The following POLA1 variants were observed in gnomAD, a reference collection of about 807,000 sequenced individuals.
POLA1 encodes the protein DNA polymerase alpha 1, catalytic subunit.
Under a neutral mutation model 124.0 loss-of-function variants are expected in POLA1, and 15 were observed. The observed-to-expected ratio is 0.12, with a 90% confidence interval of 0.08 to 0.19. POLA1 has a LOEUF of 0.19. Among genes scored for constraint, POLA1 ranks in the 10% least tolerant of loss-of-function variants. The pLI, the probability that POLA1 is intolerant of heterozygous loss-of-function variation, is 1.00. For missense variants in POLA1, 886 were observed against 1,103.4 expected, an observed-to-expected ratio of 0.80 and a Z score of 2.79; for synonymous variants, 408 against 389.4, an observed-to-expected ratio of 1.05 and a Z score of -0.56.
chrX:24,798,366 C>T (rs929567821), intron 26 of POLA1, among the ~76,000 whole-genome samples: 1 of 110,866 alleles, frequency 9.0e-6, no homozygotes, highest in Non-Finnish European at 1.9e-5. Context: ...GTTCTTCCAC[C>T]TCTGCCACCC....
chrX:24,837,120 G>C (rs1291038442), intron 32 of POLA1, among the ~76,000 whole-genome samples: 3 of 111,422 alleles, frequency 2.7e-5, no homozygotes, highest in Non-Finnish European at 5.7e-5. Context: ...TATTTGGCAT[G>C]CTTTTTAAGA....
Position 24,732,236 on chromosome X carries a change from T to C in POLA1, c.1687-134T>C, listed in dbSNP as rs761124263. On this transcript the variant is annotated intron_variant, in intron 15 of 36. Coordinates refer to ENST00000379068, the MANE Select transcript of POLA1 (RefSeq NM_001330360.2). ...TCTCAGAGTGCTGGAATTACAGGCA[T>C]GAGCCACCACGCCTGGCCAAACTTT... 7.5e-4 allele frequency: 340 copies of C among 454,421 alleles called. No homozygotes were observed. The African/African-American group carries it at 7.6e-3, about 10-fold the overall frequency. 37.4% of individuals were successfully genotyped at this position (454,421 alleles called of 1,213,427 possible). A position where few individuals can be genotyped will look rare whatever the true frequency, so the allele number is the denominator to read the frequency against.
At chrX:24,853,352 A>G (rs578164681) in intron 34 of POLA1, among the ~76,000 whole-genome samples, 167 of 112,005 alleles carry the variant, frequency 1.5e-3, no homozygotes, top group Middle Eastern at 9.2e-3. Context: ...AAGGTTATTT[A>G]CAATGTGGAA....
intron 34 of POLA1, among the ~76,000 whole-genome samples, chrX:24,869,544 G>T (rs746440738): frequency 4.4e-5 from 5 of 112,360 alleles, no homozygotes; most frequent in African/African-American, 1.6e-4. Context: ...AGGCAGCCTA[G>T]CCTGAGGGAG....
intron 35 of POLA1, among the ~76,000 whole-genome samples, chrX:24,899,650 A>G (rs1321452339): frequency 1.8e-5 from 2 of 112,057 alleles, no homozygotes; most frequent in African/African-American, 6.5e-5. Context: ...TTTAATAGCA[A>G]AAGCAAATGC....
chrX:24,901,975 G>A (rs950014393), intron 35 of POLA1, among the ~76,000 whole-genome samples: 1 of 110,756 alleles, frequency 9.0e-6, no homozygotes, highest in Admixed American at 9.6e-5. Context: ...TACAGAACCA[G>A]AGAAACCCCT....
intron 34 of POLA1, among the ~76,000 whole-genome samples, chrX:24,848,093 C>G (rs1351399096): frequency 8.9e-6 from 1 of 112,000 alleles, no homozygotes; most frequent in South Asian, 3.7e-4. Flanking sequence ...CACAATAGCA[C>G]CTAGCCTAAA....
intron 35 of POLA1, among the ~76,000 whole-genome samples, chrX:24,891,985 C>G (rs756179315): frequency 1.5e-4 from 17 of 111,082 alleles, no homozygotes; most frequent in Non-Finnish European, 2.6e-4. Context: ...CTCACTTAGT[C>G]CTGGGTTGCA....
At position 24,908,882 on chromosome X, in the gene POLA1, C is replaced by G. The variant is rs373495579; in HGVS notation, c.4164+20760C>G. 8.1e-4 allele frequency among the ~76,000 whole-genome samples: 91 copies of G among 111,792 alleles called. 1 individual carries two copies. The East Asian group carries it at 0.021, about 25-fold the overall frequency. ...TAAAAGTGTTCCTATTTCTCCACAT[C>G]CTCTCCAGCACCTGTTGTTTCCTGA... is the stretch of plus-strand genomic sequence containing the variant. On this transcript the variant is annotated intron_variant, in intron 35 of 36. Transcript: ENST00000379068.
At chrX:24,835,280 G>A (rs1265898871) in intron 32 of POLA1, among the ~76,000 whole-genome samples, 1 of 110,413 alleles carries the variant, frequency 9.1e-6, no homozygotes, top group African/African-American at 3.3e-5. Context: ...TTGAACTCCT[G>A]ACCTCAGGTG....
intron 27 of POLA1, 118 bp from the exon 28 acceptor site, chrX:24,810,588 CAT>C: frequency 2.7e-6 from 1 of 367,603 alleles, no homozygotes. Flanking sequence ...TAATAATTAA[CAT>C]AAACTTTTGA....
intron 26 of POLA1, among the ~76,000 whole-genome samples, chrX:24,767,432 C>T (rs1031379994): frequency 6.3e-5 from 7 of 111,591 alleles, no homozygotes; most frequent in African/African-American, 1.3e-4. Context: ...GTCTCCTTTG[C>T]ATGTAAATAG....
At chrX:24,754,083 C>T (rs1184399030) in intron 26 of POLA1, among the ~76,000 whole-genome samples, 1 of 111,716 alleles carries the variant, frequency 9.0e-6, no homozygotes, top group Non-Finnish European at 1.9e-5. Flanking sequence ...ATCAGGATCC[C>T]TTGGGAAATG....
chrX:24,996,207 TCC>T lies in POLA1; in HGVS notation c.*260_*261del, dbSNP rs1307760216. The stretch of plus-strand genomic sequence containing the variant: ...TCCAGAGCCCCTCCCCAAGCTCCCC[TCC>T]CCAAGCTCCTGAAGACCCGGTTTCT... On this transcript the variant is annotated 3_prime_UTR_variant, in exon 37 of 37. Coordinates refer to ENST00000379068, the MANE Select transcript of POLA1 (RefSeq NM_001330360.2). 3.9e-6 allele frequency: 1 copy of T among 256,869 alleles called. No homozygotes were observed. Among genetic ancestry groups the T allele is most frequent in the Non-Finnish European group, 6.8e-6 (1 of 146,801 alleles). 21.2% of individuals were successfully genotyped at this position (256,869 alleles called of 1,213,427 possible).
intron 32 of POLA1, among the ~76,000 whole-genome samples, chrX:24,835,162 C>T (rs1431753461): frequency 9.1e-6 from 1 of 109,554 alleles, no homozygotes; most frequent in Admixed American, 9.8e-5. Context: ...ATTCTCCTGC[C>T]TTAGCCTCCT....
intron 26 of POLA1, among the ~76,000 whole-genome samples, chrX:24,799,997 T>C (rs1262939167): frequency 1.8e-5 from 2 of 111,812 alleles, no homozygotes; most frequent in African/African-American, 3.2e-5. Flanking sequence ...CACTAAAGCA[T>C]GGACATAGTT....
intron 1 of POLA1, among the ~76,000 whole-genome samples, chrX:24,696,928 TTGTGCCACTTTTTACTTTGTTCTC>T (rs1411730457): frequency 9.0e-6 from 1 of 111,409 alleles, no homozygotes; most frequent in African/African-American, 3.3e-5. Context: ...CTTCTTTTGC[TTGTGCCACTTTTTACTTTGTTCTC>T]TGTGAAATTT....
chrX:24,994,832 C>T (rs905346639), intron 36 of POLA1, among the ~76,000 whole-genome samples: 14 of 111,378 alleles, frequency 1.3e-4, no homozygotes, highest in African/African-American at 4.3e-4. Context: ...TCATCCCCCA[C>T]GTGATCACTC....
intron 36 of POLA1, among the ~76,000 whole-genome samples, chrX:24,933,310 A>G (rs1330216327): frequency 8.9e-6 from 1 of 112,142 alleles, no homozygotes; most frequent in Non-Finnish European, 1.9e-5. Flanking sequence ...TATAACAAAT[A>G]AAATTGACTT....
Sources: allele counts gnomAD v4.1 joint callset (sites outside exome capture counted in the v4.1 genomes callset), GRCh38; gene constraint gnomAD v4.1.1; transcripts MANE v1.5; gene names NCBI Gene and HGNC (gene_info 2026-07-23, HGNC 2026-07-21).